The following ACVR2A variants were observed in gnomAD, a reference collection of about 807,000 sequenced individuals.
ACVR2A encodes the protein activin A receptor type 2A, also known as activin receptor type-2A.
In ACVR2A, 7 loss-of-function variants were observed where a neutral mutation model predicts 61.4. The observed-to-expected ratio is 0.11, with a 90% CI of 0.06 to 0.21. The LOEUF (loss-of-function observed/expected upper bound fraction) is 0.21, where lower values mean the gene tolerates loss of function less well. Ranked by LOEUF, ACVR2A falls within the 10% of genes least tolerant of loss-of-function variation. The pLI is 1.00. For synonymous variants in ACVR2A, 193 were observed against 208.3 expected (o/e 0.93, Z 0.63); for missense variants, 322 against 621.7 (o/e 0.52, Z 5.13).
At chr2:147,871,167 T>G (rs1686003964) in intron 1 of ACVR2A, among the ~76,000 whole-genome samples, 1 of 152,122 alleles carries the variant, frequency 6.6e-6, no homozygotes, top group Admixed American at 6.6e-5. Context: ...AGCTCATGTG[T>G]GGAAAGGTGC....
intron 3 of ACVR2A, 32 bp downstream of exon 3, chr2:147,899,599 T>G (rs1250661637): frequency 6.3e-7 from 1 of 1,599,960 alleles, no homozygotes; most frequent in South Asian, 1.1e-5. Context: ...GTAGGTTTGC[T>G]CAACTGTAGA....
chr2:147,857,894 AT>A (rs1399210140), intron 1 of ACVR2A, among the ~76,000 whole-genome samples: 1 of 152,132 alleles, frequency 6.6e-6, no homozygotes, highest in East Asian at 1.9e-4. Flanking sequence ...AACTTGTGTC[AT>A]GGGGGTTTGT....
intron 4 of ACVR2A, among the ~76,000 whole-genome samples, chr2:147,901,214 A>T (rs1162718566): frequency 6.6e-6 from 1 of 152,050 alleles, no homozygotes; most frequent in Non-Finnish European, 1.5e-5. Context: ...GATAACTTTT[A>T]AAAAATTTGT....
intron 4 of ACVR2A, among the ~76,000 whole-genome samples, chr2:147,903,980 A>AT (rs1301463431): frequency 6.6e-6 from 1 of 152,040 alleles, no homozygotes; most frequent in Non-Finnish European, 1.5e-5. Flanking sequence ...TTTAATAAAC[A>AT]TTCAGGTGCT....
At chr2:147,916,665 A>G (rs1311432943) in intron 5 of ACVR2A, among the ~76,000 whole-genome samples, 1 of 151,870 alleles carries the variant, frequency 6.6e-6, no homozygotes, top group Non-Finnish European at 1.5e-5. Context: ...GCCTCTTACT[A>G]TTATTGTCTT....
intron 1 of ACVR2A, among the ~76,000 whole-genome samples, chr2:147,849,779 C>G (rs767179008): frequency 6.6e-6 from 1 of 152,114 alleles, no homozygotes; most frequent in Non-Finnish European, 1.5e-5. Context: ...TGTAACACAC[C>G]TCTCCATACC....
In ACVR2A at chr2:147,907,868, A is replaced by G. The variant is rs112882077; in HGVS notation, c.529-7323A>G. Among the ~76,000 whole-genome samples, 3 of 151,960 alleles carry G rather than the reference A, an allele frequency of 2.0e-5. 1 individual carries two copies. The highest frequency in any genetic ancestry group is 7.2e-5 in the African/African-American group (3 of 41,456). ...TGGGAAAACAACATGGGGAAACCCC[A>G]TCTCTACTAAAAATACAAAAATTAG... On this transcript the variant is annotated intron_variant, in intron 4 of 10. Transcript: ENST00000241416.
intron 1 of ACVR2A, among the ~76,000 whole-genome samples, chr2:147,863,148 A>G (rs1306489761): frequency 6.6e-6 from 1 of 152,198 alleles, no homozygotes; most frequent in Non-Finnish European, 1.5e-5. Context: ...TGCTAAAATA[A>G]TGAGTTACCA....
At chr2:147,866,172 C>T (rs757849970) in intron 1 of ACVR2A, among the ~76,000 whole-genome samples, 16 of 151,996 alleles carry the variant, frequency 1.1e-4, no homozygotes, top group South Asian at 2.1e-4. Context: ...TAATAACAAA[C>T]GAAATACATG....
intron 4 of ACVR2A, among the ~76,000 whole-genome samples, chr2:147,911,291 G>A (rs1234405936): frequency 6.6e-6 from 1 of 152,036 alleles, no homozygotes; most frequent in Non-Finnish European, 1.5e-5. Flanking sequence ...GATTAAACTG[G>A]AGTCAAGAAT....
At chr2:147,875,879 C>G (rs557129173) in intron 1 of ACVR2A, among the ~76,000 whole-genome samples, 4 of 152,164 alleles carry the variant, frequency 2.6e-5, no homozygotes, top group South Asian at 4.1e-4. Context: ...AAAGGAAGAT[C>G]ATAGGACATG....
At chr2:147,920,634 C>T (rs1238455276) in intron 8 of ACVR2A, among the ~76,000 whole-genome samples, 1 of 152,124 alleles carries the variant, frequency 6.6e-6, no homozygotes, top group Non-Finnish European at 1.5e-5. Context: ...TTAGGGAATT[C>T]TTCGTATGAA....
At chr2:147,865,865 G>A (rs1339485788) in intron 1 of ACVR2A, among the ~76,000 whole-genome samples, 2 of 152,206 alleles carry the variant, frequency 1.3e-5, no homozygotes, top group Non-Finnish European at 2.9e-5. Flanking sequence ...CCTTGGGATA[G>A]CAGAAGCAGC....
intron 1 of ACVR2A, among the ~76,000 whole-genome samples, chr2:147,881,639 GTGTA>G (rs201693976): frequency 0.22 from 8,959 of 41,494 alleles, 696 homozygotes; most frequent in East Asian, 0.36. Context: ...GTGTGTGTGT[GTGTA>G]TGTGTGTGTG....
At chr2:147,893,932 C>G (rs1343414175) in intron 1 of ACVR2A, among the ~76,000 whole-genome samples, 1 of 152,078 alleles carries the variant, frequency 6.6e-6, no homozygotes. Context: ...TCTAAGAAAT[C>G]TTTCGTAATT....
chr2:147,856,434 T>G (rs1376772311), intron 1 of ACVR2A, among the ~76,000 whole-genome samples: 1 of 152,190 alleles, frequency 6.6e-6, no homozygotes, highest in African/African-American at 2.4e-5. Context: ...AAGTTCAGTT[T>G]TACCCTATAA....
At chr2:147,876,057 A>G (rs1686146300) in intron 1 of ACVR2A, among the ~76,000 whole-genome samples, 1 of 152,142 alleles carries the variant, frequency 6.6e-6, no homozygotes, top group Admixed American at 6.6e-5. Context: ...ACTTACATTA[A>G]GAAAAACTAT....
At chr2:147,903,507 A>C (rs1222518518) in intron 4 of ACVR2A, among the ~76,000 whole-genome samples, 2 of 151,884 alleles carry the variant, frequency 1.3e-5, no homozygotes, top group Non-Finnish European at 2.9e-5. Flanking sequence ...TACTATTGCC[A>C]GAATAGCATT....
chr2:147,912,946 G>A (rs1365023456), intron 4 of ACVR2A, among the ~76,000 whole-genome samples: 2 of 151,670 alleles, frequency 1.3e-5, no homozygotes, highest in African/African-American at 4.8e-5. Context: ...TGTTCTGGCT[G>A]TTACTATACA....
Sources: allele counts gnomAD v4.1 joint callset (sites outside exome capture counted in the v4.1 genomes callset), GRCh38; gene constraint gnomAD v4.1.1; transcripts MANE v1.5; gene names NCBI Gene and HGNC (gene_info 2026-07-23, HGNC 2026-07-21).